Variants in MALRD1 observed in about 807,000 individuals in gnomAD.
MALRD1 encodes MAM and LDL-receptor class A domain-containing protein 1.
A neutral mutation model predicts 242.1 loss-of-function variants in MALRD1; 247 were observed. The ratio of observed to expected loss-of-function variants is 1.02; its 90% CI spans 0.92 to 1.13. The LOEUF (loss-of-function observed/expected upper bound fraction) is 1.13, where lower values mean the gene tolerates loss of function less well. Ranked by LOEUF, MALRD1 falls within the 50% of genes most tolerant of loss-of-function variation. The pLI, the probability that MALRD1 is intolerant of heterozygous loss-of-function variation, is 0.00. For synonymous variants in MALRD1, 995 were observed against 866.6 expected, an observed-to-expected ratio of 1.15 and a Z score of -2.60; for missense variants, 2,989 against 2,533.1, an observed-to-expected ratio of 1.18 and a Z score of -3.86.
At chr10:19,214,889 ACT>A (rs1431349548) in intron 18 of MALRD1, among the ~76,000 whole-genome samples, 1 of 152,018 alleles carries the variant, frequency 6.6e-6, no homozygotes, top group African/African-American at 2.4e-5. Context: ...GTGTTAGAGG[ACT>A]CTCTGCTAAA....
rs1835037056 is a variant in MALRD1 at position 19,172,128 on chromosome 10, CACATATATACACATACATATAT to C, written c.1831-3064_1831-3043del. 3.5e-5 allele frequency among the ~76,000 whole-genome samples: 5 copies of C among 141,080 alleles called. No homozygotes were observed. In the South Asian group the frequency reaches 1.1e-3, roughly 30 times the overall value. The allele number at this position is 141,080 out of a possible 152,430, so 92.6% of individuals were successfully genotyped here. A position where few individuals can be genotyped will look rare whatever the true frequency, so the allele number is the denominator to read the frequency against. On this transcript the variant is annotated intron_variant, in intron 13 of 39. Transcript: ENST00000454679. ...GTTTGGTTATGTATATACATATATA[CACATATATACACATACATATAT>C]ACATATATACACATATATACACATA... is the stretch of plus-strand genomic sequence containing the variant.
chr10:19,270,965 G>A (rs1840205806), intron 19 of MALRD1, among the ~76,000 whole-genome samples: 1 of 151,970 alleles, frequency 6.6e-6, no homozygotes, highest in Non-Finnish European at 1.5e-5. Context: ...TGAAAAATGG[G>A]AAACACATGG....
chr10:19,474,096 C>T (rs920038058), intron 29 of MALRD1, among the ~76,000 whole-genome samples: 5 of 131,660 alleles, frequency 3.8e-5, no homozygotes, highest in African/African-American at 1.5e-4. Context: ...TGTTGAACAT[C>T]GTTTCATGTG....
At chr10:19,064,997 C>G (rs1285851361) in intron 1 of MALRD1, among the ~76,000 whole-genome samples, 1 of 145,810 alleles carries the variant, frequency 6.9e-6, no homozygotes, top group Non-Finnish European at 1.5e-5. Context: ...TTAGAAATCC[C>G]TAGAAAAGGG....
intron 12 of MALRD1, 101 bp downstream of exon 12, chr10:19,155,273 T>G: frequency 1.9e-6 from 1 of 514,338 alleles, no homozygotes; most frequent in Non-Finnish European, 3.0e-6. Context: ...TACTAGCACT[T>G]TAATGATGAA....
intron 28 of MALRD1, among the ~76,000 whole-genome samples, chr10:19,400,469 G>T (rs571957371): frequency 2.6e-5 from 4 of 152,200 alleles, no homozygotes; most frequent in African/African-American, 9.6e-5. Context: ...GCTTCATGAC[G>T]CAGACCTCAT....
chr10:19,585,203 T>C (rs988116594), intron 33 of MALRD1, among the ~76,000 whole-genome samples: 4 of 152,232 alleles, frequency 2.6e-5, no homozygotes, highest in African/African-American at 9.6e-5. Context: ...TGTCTTTTAA[T>C]TGGAGCATTT....
chr10:19,454,405 G>GAGATATATAT (rs1554775338), intron 29 of MALRD1, among the ~76,000 whole-genome samples: 6 of 80,558 alleles, frequency 7.4e-5, no homozygotes, highest in South Asian at 7.9e-4. Context: ...TTATGCATAT[G>GAGATATATAT]ATATATATAT....
At chr10:19,458,619 C>G (rs1835781940) in intron 29 of MALRD1, among the ~76,000 whole-genome samples, 1 of 152,018 alleles carries the variant, frequency 6.6e-6, no homozygotes, top group African/African-American at 2.4e-5. Flanking sequence ...CGCATGTTTC[C>G]CTTTTAGTTA....
intron 32 of MALRD1, among the ~76,000 whole-genome samples, chr10:19,551,093 T>C (rs1459636837): frequency 6.6e-6 from 1 of 152,326 alleles, no homozygotes; most frequent in Admixed American, 6.5e-5. Context: ...CATATGATTG[T>C]TGGCTGCATG....
chr10:19,491,445 A>G (rs1489356061), intron 29 of MALRD1, 72 bp from the exon 30 acceptor site: 1 of 1,500,636 alleles, frequency 6.7e-7, no homozygotes, highest in African/African-American at 1.4e-5. Context: ...TCTATAAAAT[A>G]CCTAACAGGA....
At chr10:19,671,847 T>C (rs1286578501) in intron 36 of MALRD1, among the ~76,000 whole-genome samples, 1 of 152,188 alleles carries the variant, frequency 6.6e-6, no homozygotes, top group Non-Finnish European at 1.5e-5. Context: ...CCAGGATTTA[T>C]TGTGACAGAA....
At chr10:19,182,420 G>A (rs1271440294) in intron 14 of MALRD1, among the ~76,000 whole-genome samples, 2 of 148,766 alleles carry the variant, frequency 1.3e-5, no homozygotes, top group African/African-American at 2.5e-5. Flanking sequence ...TGCCTCCCGG[G>A]TTCACGCCAT....
At chr10:19,584,402 C>T (rs1837287568) in intron 33 of MALRD1, among the ~76,000 whole-genome samples, 1 of 151,838 alleles carries the variant, frequency 6.6e-6, no homozygotes, top group Non-Finnish European at 1.5e-5. Flanking sequence ...TTGAATGCGT[C>T]CCAGAGATTC....
At chr10:19,144,175 A>G (rs184167647) in intron 10 of MALRD1, among the ~76,000 whole-genome samples, 3 of 152,244 alleles carry the variant, frequency 2.0e-5, no homozygotes, top group African/African-American at 7.2e-5. Flanking sequence ...AGAGGGAAAA[A>G]TAATATTCAT....
intron 12 of MALRD1, among the ~76,000 whole-genome samples, chr10:19,158,739 GT>G (rs1834271628): frequency 6.6e-6 from 1 of 152,174 alleles, no homozygotes. Flanking sequence ...ATGTTGTTTA[GT>G]GGGGGATACT....
rs530921008 is a variant in MALRD1 at position 19,431,230 on chromosome 10, T to C, written c.4846-19077T>C. 3.3e-5 allele frequency among the ~76,000 whole-genome samples: 5 copies of C among 152,328 alleles called. No homozygotes were observed. In the South Asian group the frequency reaches 1.0e-3, roughly 32 times the overall value. On this transcript the variant is annotated intron_variant, in intron 28 of 39. Coordinates refer to ENST00000454679, the MANE Select transcript of MALRD1 (RefSeq NM_001142308.3). ...ATCCTGCATGAATTGATGGCTAGAC[T>C]TCTCTCTTCTGTTATAGACTTAATT...
intron 18 of MALRD1, among the ~76,000 whole-genome samples, chr10:19,234,436 G>GAT (rs1264900168): frequency 6.6e-6 from 1 of 151,832 alleles, no homozygotes; most frequent in African/African-American, 2.4e-5. Flanking sequence ...ACATTTTCCT[G>GAT]ATAGATATGA....
intron 30 of MALRD1, among the ~76,000 whole-genome samples, chr10:19,497,702 A>G (rs921848962): frequency 2.0e-5 from 3 of 152,198 alleles, no homozygotes; most frequent in Non-Finnish European, 4.4e-5. Context: ...AGTCAATGAC[A>G]ATCTCAATTG....
Sources: gnomAD v4.1 joint callset for allele counts (sites outside exome capture counted in the v4.1 genomes callset) on GRCh38, gnomAD v4.1.1 for gene constraint, MANE v1.5 for transcripts, NCBI Gene and HGNC (gene_info 2026-07-23, HGNC 2026-07-21) for gene names.